The following TRPM3 variants were observed in gnomAD, a reference collection of about 807,000 sequenced individuals.
TRPM3 encodes the protein long transient receptor potential channel 3.
Under a neutral mutation model 181.2 loss-of-function variants are expected in TRPM3, and 77 were observed. The observed-to-expected ratio is 0.42, with a 90% CI of 0.35 to 0.51. The LOEUF (loss-of-function observed/expected upper bound fraction) is 0.51, where lower values mean the gene tolerates loss of function less well. Ranked by LOEUF, TRPM3 falls within the 20% of genes least tolerant of loss-of-function variation. TRPM3 has a pLI of 0.01. For synonymous variants in TRPM3, 745 were observed against 796.4 expected, an observed-to-expected ratio of 0.94 and a Z score of 1.09; for missense variants, 1,759 against 2,196.7, an observed-to-expected ratio of 0.80 and a Z score of 3.98.
chr9:70,612,157 T>C (rs951087705), intron 18 of TRPM3, among the ~76,000 whole-genome samples: 4 of 152,238 alleles, frequency 2.6e-5, no homozygotes, highest in Non-Finnish European at 5.9e-5. Flanking sequence ...CACTCCTGAC[T>C]AAAATGATCT....
At chr9:70,576,206 A>C (rs2053885808) in intron 22 of TRPM3, among the ~76,000 whole-genome samples, 1 of 152,192 alleles carries the variant, frequency 6.6e-6, no homozygotes. Context: ...TCACCATATC[A>C]GTGTCATAGA....
chr9:71,139,143 T>C (rs1301319405), intron 1 of TRPM3, among the ~76,000 whole-genome samples: 1 of 152,212 alleles, frequency 6.6e-6, no homozygotes, highest in East Asian at 1.9e-4. Context: ...CTTTCCAAAT[T>C]GCTGTCCTCA....
rs182202918 is a variant in TRPM3, at chr9:70,603,199, G to A, written c.2796+143C>T. On this transcript the variant is annotated intron_variant, in intron 20 of 25. Coordinates refer to ENST00000677713, the MANE Select transcript of TRPM3 (RefSeq NM_001366145.2). ...GTGAAGCCTCCCCAGGTTTGTCAGAGGAGCAAAGAAGCAGCTGTGGTAGAG... is the reference window on the plus strand; with the variant it reads ...GTGAAGCCTCCCCAGGTTTGTCAGAAGAGCAAAGAAGCAGCTGTGGTAGAG... The A allele has an allele frequency of 3.3e-5, 32 of 980,792 alleles. No individual in the cohort carries two copies. In the East Asian group the frequency reaches 7.0e-4, roughly 21 times the overall value. 60.8% of individuals were successfully genotyped at this position (980,792 alleles called of 1,614,324 possible). A position where few individuals can be genotyped will look rare whatever the true frequency, so the allele number is the denominator to read the frequency against.
chr9:70,830,152 C>T lies in TRPM3; in HGVS notation c.802-2134G>A, dbSNP rs182891804. 2.5e-3 allele frequency among the ~76,000 whole-genome samples: 380 copies of T among 152,168 alleles called. 3 individuals carry two copies. Among genetic ancestry groups the T allele is most frequent in the African/African-American group, 8.7e-3 (363 of 41,510 alleles). On this transcript the variant is annotated intron_variant, in intron 5 of 25. Coordinates refer to ENST00000677713, the MANE Select transcript of TRPM3 (RefSeq NM_001366145.2). ...TTAAACTGTGTGTAATAGTGAACAC[C>T]GGGCATTTGTGCTGGCTGAGACGTA...
intron 12 of TRPM3, 100 bp downstream of exon 12, chr9:70,635,111 G>T: frequency 1.0e-6 from 1 of 979,606 alleles, no homozygotes; most frequent in South Asian, 1.4e-5. Flanking sequence ...GCCTGATAGG[G>T]ACAGGAATAC....
chr9:70,588,348 G>T (rs749060010), intron 22 of TRPM3, among the ~76,000 whole-genome samples: 20 of 152,152 alleles, frequency 1.3e-4, no homozygotes, highest in Middle Eastern at 3.4e-3. Flanking sequence ...CTCTTCTGAG[G>T]TGTATGATTG....
intron 6 of TRPM3, among the ~76,000 whole-genome samples, chr9:70,793,179 G>C (rs2085952613): frequency 6.6e-6 from 1 of 152,136 alleles, no homozygotes; most frequent in Non-Finnish European, 1.5e-5. Flanking sequence ...TTATGGTTGG[G>C]CACAATGGCT....
intron 1 of TRPM3, among the ~76,000 whole-genome samples, chr9:70,972,321 C>T (rs914854560): frequency 3.9e-5 from 6 of 152,004 alleles, no homozygotes; most frequent in African/African-American, 1.4e-4. Context: ...AGTGAAAGAG[C>T]GTAATGTTTT....
intron 1 of TRPM3, among the ~76,000 whole-genome samples, chr9:71,026,073 A>C (rs1284115191): frequency 1.3e-5 from 2 of 152,220 alleles, no homozygotes; most frequent in Non-Finnish European, 2.9e-5. Context: ...AGTTGCCTAG[A>C]GAAGTAGTCG....
intron 24 of TRPM3, 142 bp downstream of exon 24, chr9:70,552,702 C>T: frequency 1.2e-6 from 1 of 817,694 alleles, no homozygotes; most frequent in Non-Finnish European, 2.1e-6. Context: ...CCTCATCCCC[C>T]AATGCTCTCC....
chr9:71,263,778 T>C (rs1014072614), intron 1 of TRPM3, among the ~76,000 whole-genome samples: 4 of 152,064 alleles, frequency 2.6e-5, no homozygotes, highest in Non-Finnish European at 4.4e-5. Flanking sequence ...CCTATTCTTT[T>C]TCCTTCTTCT....
intron 1 of TRPM3, among the ~76,000 whole-genome samples, chr9:71,362,702 G>C (rs1480103070): frequency 2.6e-5 from 4 of 152,060 alleles, no homozygotes; most frequent in African/African-American, 7.2e-5. Flanking sequence ...AACAATTTTT[G>C]TAACTTGTAA....
chr9:71,111,917 A>G (rs2071196520), intron 1 of TRPM3, among the ~76,000 whole-genome samples: 1 of 152,172 alleles, frequency 6.6e-6, no homozygotes, highest in African/African-American at 2.4e-5. Flanking sequence ...TAAGCAAGTT[A>G]TTTTGACTCT....
chr9:70,777,897 A>G (rs1006023464), intron 7 of TRPM3, among the ~76,000 whole-genome samples: 1 of 152,020 alleles, frequency 6.6e-6, no homozygotes, highest in African/African-American at 2.4e-5. Context: ...CACACAGATA[A>G]TTATAGGGAT....
intron 15 of TRPM3, 78 bp downstream of exon 15, chr9:70,621,143 CACTATATATTATTTTATATATAT>C: frequency 2.8e-6 from 1 of 352,736 alleles, no homozygotes; most frequent in Non-Finnish European, 4.5e-6. Context: ...TGTGTATATA[CACTATATATTATTTTATATATAT>C]ACTATATATG....
intron 1 of TRPM3, among the ~76,000 whole-genome samples, chr9:70,894,493 C>A (rs1204594364): frequency 6.6e-6 from 1 of 152,094 alleles, no homozygotes. Context: ...GCTGTTGGTA[C>A]AAAGGCCAGG....
chr9:70,576,482 TCC>T, intron 22 of TRPM3, among the ~76,000 whole-genome samples: 1 of 138,510 alleles, frequency 7.2e-6, no homozygotes, highest in East Asian at 2.3e-4. Flanking sequence ...CTTCTTCTTC[TCC>T]TCCTCCTCCT....
chr9:71,260,156 G>T (rs1032472219), intron 1 of TRPM3, among the ~76,000 whole-genome samples: 2 of 152,118 alleles, frequency 1.3e-5, no homozygotes, highest in Admixed American at 6.5e-5. Flanking sequence ...CCCATTGTTT[G>T]TTTTTGTCAG....
At chr9:70,883,543 T>C (rs2096032425) in intron 1 of TRPM3, among the ~76,000 whole-genome samples, 1 of 152,172 alleles carries the variant, frequency 6.6e-6, no homozygotes. Context: ...CTTGAGAAAG[T>C]GGTCTCTGAT....
Sources: gnomAD v4.1 joint callset for allele counts (sites outside exome capture counted in the v4.1 genomes callset) on GRCh38, gnomAD v4.1.1 for gene constraint, MANE v1.5 for transcripts, NCBI Gene and HGNC (gene_info 2026-07-23, HGNC 2026-07-21) for gene names.